The following PHF24 variants were observed in gnomAD, a reference collection of about 807,000 sequenced individuals.
The protein encoded by PHF24 is Galpha inhibitory interacting protein.
PHF24 carries 25 observed loss-of-function variants against 42.6 expected under a neutral mutation model. The ratio of observed to expected loss-of-function variants is 0.59; its 90% confidence interval spans 0.43 to 0.82. The LOEUF is 0.82. PHF24 is among the 40% of genes least tolerant of loss of function. The probability of loss-of-function intolerance (pLI) is 0.00; values close to 1 mark genes in which losing one functional copy is unlikely to be tolerated. For missense variants in PHF24, 470 were observed against 538.1 expected (o/e 0.87, Z 1.25); for synonymous variants, 185 against 204.8 (o/e 0.90, Z 0.83).
At chr9:34,805,747 G>T in the PHF24 span, among the ~76,000 whole-genome samples, 1 of 151,566 alleles carries the variant, frequency 6.6e-6, no homozygotes, top group African/African-American at 2.4e-5. Context: ...TTCTTTCGTT[G>T]CCTGTGCTTT....
chr9:34,691,165 G>A, the PHF24 span: 40 of 1,611,244 alleles, frequency 2.5e-5, no homozygotes, highest in African/African-American at 6.7e-5. Flanking sequence ...GCAGGCCAAC[G>A]GTGAATGTGT....
the PHF24 span, among the ~76,000 whole-genome samples, chr9:34,878,867 C>T: frequency 6.6e-6 from 1 of 152,194 alleles, no homozygotes; most frequent in Non-Finnish European, 1.5e-5. Context: ...AGAGAGTAGT[C>T]GTTCTTCCAG....
At chr9:34,885,536 G>A in the PHF24 span, among the ~76,000 whole-genome samples, 9 of 151,676 alleles carry the variant, frequency 5.9e-5, no homozygotes, top group African/African-American at 2.0e-4. Flanking sequence ...GAATGCAAAG[G>A]TGCCACCCTC....
chr9:34,931,375 CA>C, the PHF24 span, among the ~76,000 whole-genome samples: 56 of 82,918 alleles, frequency 6.8e-4, no homozygotes, highest in South Asian at 3.5e-3. Flanking sequence ...GACTCTGTAT[CA>C]AAAAAAAAAA....
chr9:34,723,680 T>C, the PHF24 span: 16 of 1,551,650 alleles, frequency 1.0e-5, no homozygotes, highest in Non-Finnish European at 1.4e-5. Context: ...AACTTGGCCT[T>C]GCAAAGTTTG....
chr9:34,729,842 C>A, the PHF24 span, among the ~76,000 whole-genome samples: 3 of 152,228 alleles, frequency 2.0e-5, no homozygotes, highest in African/African-American at 7.2e-5. Context: ...AACTCTCCCA[C>A]TAGTTTTGGT....
At chr9:34,799,981 G>A in the PHF24 span, among the ~76,000 whole-genome samples, 21 of 152,134 alleles carry the variant, frequency 1.4e-4, no homozygotes, top group Non-Finnish European at 2.5e-4. Flanking sequence ...CAGAGACTTG[G>A]AAGGATGGGG....
the PHF24 span, among the ~76,000 whole-genome samples, chr9:34,712,623 T>G: frequency 6.6e-6 from 1 of 152,198 alleles, no homozygotes; most frequent in African/African-American, 2.4e-5. Context: ...TTCTTTTTAC[T>G]AATTTCCATC....
At chr9:34,926,773 A>C in the PHF24 span, among the ~76,000 whole-genome samples, 1 of 151,812 alleles carries the variant, frequency 6.6e-6, no homozygotes, top group African/African-American at 2.4e-5. This position sits in a 1 kb window ranked among gnomAD's most constrained non-coding sequence, Gnocchi z 4.3. Flanking sequence ...GAGATGGCCC[A>C]CAGGGCTGTT....
chr9:34,729,606 C>T, the PHF24 span: 20 of 598,168 alleles, frequency 3.3e-5, no homozygotes, highest in Middle Eastern at 9.2e-4. Context: ...TAGGGAAGCT[C>T]ATGTGGTGAT....
chr9:34,673,901 G>A, the PHF24 span, among the ~76,000 whole-genome samples: 2 of 152,066 alleles, frequency 1.3e-5, no homozygotes, highest in Admixed American at 6.6e-5. Context: ...GATTACAGGT[G>A]TGAGCCACCG....
the PHF24 span, chr9:34,917,718 G>A: frequency 2.5e-6 from 2 of 798,964 alleles, no homozygotes; most frequent in South Asian, 1.3e-5. Flanking sequence ...GCTCATTACA[G>A]CGCCTGCTTG....
At chr9:34,897,986 G>A in the PHF24 span, among the ~76,000 whole-genome samples, 58 of 152,120 alleles carry the variant, frequency 3.8e-4, no homozygotes, top group Non-Finnish European at 6.9e-4. Context: ...CATCCAGGTC[G>A]CTGCAAATGC....
At chr9:34,684,166 G>A in the PHF24 span, among the ~76,000 whole-genome samples, 4 of 152,322 alleles carry the variant, frequency 2.6e-5, no homozygotes, top group African/African-American at 9.6e-5. Context: ...TTTTGGAGGA[G>A]AGGGGGAAGC....
the PHF24 span, among the ~76,000 whole-genome samples, chr9:34,696,839 C>A: frequency 2.0e-5 from 3 of 152,194 alleles, no homozygotes; most frequent in Admixed American, 6.5e-5. Flanking sequence ...TAATAACTCT[C>A]TGGCAAAAGG....
the PHF24 span, among the ~76,000 whole-genome samples, chr9:34,740,574 C>A: frequency 6.6e-6 from 1 of 152,208 alleles, no homozygotes; most frequent in Non-Finnish European, 1.5e-5. Context: ...CTCCAGCTGG[C>A]CCGCAAGCAC....
At chr9:34,917,284 GAA>G in the PHF24 span, 1 of 1,036,326 alleles carries the variant, frequency 9.6e-7, no homozygotes, top group Non-Finnish European at 1.5e-6. Flanking sequence ...GATGGTACTG[GAA>G]AAGGACTGCA....
the PHF24 span, among the ~76,000 whole-genome samples, chr9:34,875,834 G>C: frequency 6.6e-6 from 1 of 151,354 alleles, no homozygotes; most frequent in Admixed American, 6.6e-5. Context: ...AGTGTCTGGG[G>C]CCTATCGACC....
At chr9:34,807,255 G>A in the PHF24 span, among the ~76,000 whole-genome samples, 4 of 152,196 alleles carry the variant, frequency 2.6e-5, no homozygotes, top group African/African-American at 7.2e-5. Context: ...TTATAAAGGG[G>A]GTATTCCCTG....
Sources: gnomAD v4.1 joint callset for allele counts (sites outside exome capture counted in the v4.1 genomes callset) on GRCh38, gnomAD v4.1.1 for gene constraint, Gnocchi (gnomAD v3.1) non-coding constraint, MANE v1.5 for transcripts, NCBI Gene and HGNC (gene_info 2026-07-23, HGNC 2026-07-21) for gene names.